NFATC2: variants seen among roughly 807,000 people sequenced by gnomAD.
NFATC2 encodes the protein nuclear factor of activated T cells 2.
In NFATC2, 22 loss-of-function variants were observed where a neutral mutation model predicts 87.3. The ratio of observed to expected loss-of-function variants is 0.25; its 90% CI spans 0.18 to 0.36. NFATC2 has a LOEUF of 0.36. Ranked by LOEUF, NFATC2 falls within the 10% of genes least tolerant of loss-of-function variation. The pLI is 1.00. For missense variants in NFATC2, 1,149 were observed against 1,259.1 expected (o/e 0.91, Z 1.32); for synonymous variants, 565 against 542.2 (o/e 1.04, Z -0.58).
rs892878155 is a variant in NFATC2, at chr20:51,542,355, G to T, written c.130+15C>A. 3 of 1,603,192 alleles carry T rather than the reference G, an allele frequency of 1.9e-6. No homozygotes were observed. Among genetic ancestry groups the T allele is most frequent in the South Asian group, 1.1e-5 (1 of 90,872 alleles). The stretch of plus-strand genomic sequence containing the variant: ...GGCGGGCTCAGGGGCCAGGCCAGGG[G>T]TAGCCTCCACCGACCTTCGTTCGGA... On this transcript the variant is annotated intron_variant, in intron 1 of 10. Coordinates refer to ENST00000371564, the MANE Select transcript of NFATC2 (RefSeq NM_012340.5).
At position 51,390,001 on chromosome 20, in the gene NFATC2, A is replaced by T. The variant is rs1428061164; in HGVS notation, c.*1495T>A. On this transcript the variant is annotated 3_prime_UTR_variant, in exon 11 of 11. Coordinates refer to ENST00000371564, the MANE Select transcript of NFATC2 (RefSeq NM_012340.5). ...GCTTGTCCTGGGGTATCTGCAGTAC[A>T]TGCAAACAGAAACAAACACATCTGC... The T allele has an allele frequency of 6.6e-6, 1 of 152,240 alleles. No individual in the cohort carries two copies. The highest frequency in any genetic ancestry group is 1.5e-5 in the Non-Finnish European group (1 of 68,042). 9.4% of individuals were successfully genotyped at this position (152,240 alleles called of 1,614,324 possible).
chr20:51,549,200 T>G (rs914859785), intron 1 of NFATC2, among the ~76,000 whole-genome samples: 1 of 152,192 alleles, frequency 6.6e-6, no homozygotes, highest in African/African-American at 2.4e-5. Flanking sequence ...AAAAAGAATA[T>G]TATAAAAGAC....
chr20:51,491,714 C>T (rs1465090960), intron 3 of NFATC2, among the ~76,000 whole-genome samples: 1 of 152,060 alleles, frequency 6.6e-6, no homozygotes, highest in South Asian at 2.1e-4. Context: ...GCCACGAAAA[C>T]GGGCTCCAGG....
intron 3 of NFATC2, among the ~76,000 whole-genome samples, chr20:51,479,201 G>C (rs1989018667): frequency 6.6e-6 from 1 of 152,136 alleles, no homozygotes; most frequent in Non-Finnish European, 1.5e-5. Context: ...AAATTTCCTT[G>C]TTTAGTTAGT....
rs2077040389 is a variant in NFATC2, at chr20:51,562,387, G to A, written c.70+173C>T. Among the ~76,000 whole-genome samples, 1 of 152,220 alleles carries A rather than the reference G, an allele frequency of 6.6e-6. No homozygotes were observed. Among genetic ancestry groups the A allele is most frequent in the Non-Finnish European group, 1.5e-5 (1 of 68,030 alleles). On this transcript the variant is annotated intron_variant, in intron 1 of 10. Coordinates refer to the NFATC2 transcript ENST00000414705. This position sits in a 1 kb window ranked among gnomAD's most constrained non-coding sequence, Gnocchi z 5.8. ...CCCAAGTGTCCCTTCCCTGGCCGGG[G>A]CGCGGGCGCCCCTCCGCGGGCCCCG... is the stretch of plus-strand genomic sequence containing the variant.
intron 1 of NFATC2, among the ~76,000 whole-genome samples, chr20:51,561,568 TC>T (rs113481949): frequency 0.044 from 5,550 of 126,446 alleles, 111 homozygotes; most frequent in East Asian, 0.063. Flanking sequence ...TGTCATTTCT[TC>T]CCCCCCCCAC....
chr20:51,405,879 C>T (rs1212145205), intron 9 of NFATC2, among the ~76,000 whole-genome samples: 1 of 152,206 alleles, frequency 6.6e-6, no homozygotes, highest in Non-Finnish European at 1.5e-5. Flanking sequence ...CAGGTTCAAG[C>T]GATTCTCCTG....
intron 1 of NFATC2, among the ~76,000 whole-genome samples, chr20:51,549,050 C>T (rs2076911685): frequency 6.6e-6 from 1 of 152,156 alleles, no homozygotes; most frequent in African/African-American, 2.4e-5. Context: ...TTCCAGCTAC[C>T]TGGAGACTGA....
At chr20:51,549,397 C>T (rs899822968) in intron 1 of NFATC2, among the ~76,000 whole-genome samples, 7 of 152,162 alleles carry the variant, frequency 4.6e-5, no homozygotes, top group East Asian at 1.9e-4. Context: ...CTCAGCCTCC[C>T]GAATAGCTGG....
Position 51,562,432 on chromosome 20 carries a change from G to A in NFATC2, c.70+128C>T. ...GCCCCGCTACCTGTGCGCCGAGGGC[G>A]AGCGGGGTCCCCAGGCCTCCCGCAC... is the stretch of plus-strand genomic sequence containing the variant. On this transcript the variant is annotated intron_variant, in intron 1 of 10. Transcript: ENST00000414705. The surrounding 1 kb of genome is among the most constrained non-coding windows in gnomAD (Gnocchi z 5.8). The A allele has an allele frequency of 1.2e-6, 1 of 809,026 alleles. No homozygotes were observed. Among genetic ancestry groups the A allele is most frequent in the East Asian group, 2.9e-5 (1 of 34,154 alleles). The allele number at this position is 809,026 out of a possible 1,614,324, so 50.1% of individuals were successfully genotyped here.
At chr20:51,466,145 C>T (rs1023230310) in intron 5 of NFATC2, among the ~76,000 whole-genome samples, 5 of 152,218 alleles carry the variant, frequency 3.3e-5, no homozygotes, top group African/African-American at 9.6e-5. Context: ...CTCCGCCTCC[C>T]GGGTTCAAGT....
At chr20:51,416,696 T>TA in intron 9 of NFATC2, among the ~76,000 whole-genome samples, 1 of 152,188 alleles carries the variant, frequency 6.6e-6, no homozygotes, top group East Asian at 1.9e-4. Flanking sequence ...CTGACCTGGT[T>TA]ATACTCACTT....
In NFATC2 at chr20:51,473,963, C is replaced by T; in HGVS notation, c.1708+17G>A. The stretch of plus-strand genomic sequence containing the variant: ...TACGCTTTCTGAAGAAAGACCGGGC[C>T]CCAGGGCCCAACTTACAGCACTCGA... On this transcript the variant is annotated intron_variant, in intron 5 of 10. Transcript: ENST00000371564. 1.2e-6 allele frequency: 2 copies of T among 1,608,500 alleles called. No individual in the cohort carries two copies. Among genetic ancestry groups the T allele is most frequent in the Non-Finnish European group, 1.7e-6 (2 of 1,175,706 alleles).
intron 6 of NFATC2, among the ~76,000 whole-genome samples, chr20:51,449,876 A>G (rs1985553336): frequency 8.4e-6 from 1 of 118,894 alleles, no homozygotes; most frequent in African/African-American, 3.4e-5. Flanking sequence ...GGCCTGGCAC[A>G]TAGTTCATTA....
In NFATC2 at chr20:51,426,812, G is replaced by A. The variant is rs559104559; in HGVS notation, c.2722+5255C>T. Among the ~76,000 whole-genome samples the A allele has an allele frequency of 3.9e-5, 6 of 152,302 alleles. No individual in the cohort carries two copies. In the South Asian group the frequency reaches 1.2e-3, roughly 32 times the overall value. On this transcript the variant is annotated intron_variant, in intron 9 of 10. Transcript: ENST00000371564. ...CTGGGGGCTTCTGGGGTGCCAACAA[G>A]ACTGTCATAATCCAGGTGGCAATTC...
intron 9 of NFATC2, among the ~76,000 whole-genome samples, chr20:51,411,060 C>G (rs551673433): frequency 6.6e-6 from 1 of 152,274 alleles, no homozygotes; most frequent in South Asian, 2.1e-4. Context: ...TGTGCCAGGC[C>G]TTGTTCTAAG....
chr20:51,460,114 T>C (rs949441022), intron 5 of NFATC2, among the ~76,000 whole-genome samples: 4 of 152,200 alleles, frequency 2.6e-5, no homozygotes, highest in Admixed American at 6.5e-5. Context: ...TTTGCTATCG[T>C]TGACTTTCAA....
intron 3 of NFATC2, among the ~76,000 whole-genome samples, chr20:51,495,416 T>G (rs2075972117): frequency 6.6e-6 from 1 of 152,208 alleles, no homozygotes; most frequent in Non-Finnish European, 1.5e-5. Flanking sequence ...AAAAGACTTG[T>G]GTGACCGCAT....
intron 5 of NFATC2, among the ~76,000 whole-genome samples, chr20:51,465,190 C>A (rs966700817): frequency 2.6e-5 from 4 of 152,032 alleles, no homozygotes; most frequent in Non-Finnish European, 4.4e-5. Flanking sequence ...GAGTTTGAGA[C>A]CAGCCTGGCC....
Sources: allele counts gnomAD v4.1 joint callset (sites outside exome capture counted in the v4.1 genomes callset), GRCh38; gene constraint gnomAD v4.1.1; non-coding constraint Gnocchi (gnomAD v3.1); transcripts MANE v1.5; gene names NCBI Gene and HGNC (gene_info 2026-07-23, HGNC 2026-07-21).